The following PRL variants were observed in gnomAD, a reference collection of about 807,000 sequenced individuals.
PRL encodes decidual prolactin.
A neutral mutation model predicts 21.3 loss-of-function variants in PRL; 24 were observed. That is an observed-to-expected ratio of 1.13 (90% CI 0.82 to 1.59). PRL has a LOEUF of 1.59. PRL is among the 40% of genes most tolerant of loss of function. The probability of loss-of-function intolerance (pLI) is 0.00; values close to 1 mark genes in which losing one functional copy is unlikely to be tolerated. For synonymous variants in PRL, 118 were observed against 115.7 expected (o/e 1.02, Z -0.13); for missense variants, 243 against 286.9 (o/e 0.85, Z 1.10).
intron 2 of PRL, among the ~76,000 whole-genome samples, chr6:22,293,030 A>G (rs1310951648): frequency 6.6e-6 from 1 of 152,204 alleles, no homozygotes; most frequent in Admixed American, 6.5e-5. Context: ...GCCACAGTGC[A>G]AATGTATTTA....
intron 4 of PRL, among the ~76,000 whole-genome samples, chr6:22,289,286 C>A (rs895578642): frequency 1.3e-5 from 2 of 152,036 alleles, no homozygotes; most frequent in African/African-American, 4.8e-5. Context: ...GTACTTAGTA[C>A]ACAAAAAGAG....
In PRL at chr6:22,292,618, A is replaced by G. The variant is rs762561012; in HGVS notation, c.232T>C (p.Phe78Leu). The change falls in exon 3 of 5, where the codon TTC becomes CTC. Residue 78 changes from phenylalanine to leucine, a missense_variant. Transcript: ENST00000306482. ...CAGCTGTTGATGGCCTTGGTAATGA[A>G]CCCCCGGCCATGGGTATACCGTTTA... ...FDKRYTHGRGFITKAINSCHT... is the reference protein window; with the variant it reads ...FDKRYTHGRGLITKAINSCHT... 3.1e-6 allele frequency: 5 copies of G among 1,613,772 alleles called. No individual in the cohort carries two copies. In the Admixed American group the frequency reaches 6.7e-5, roughly 22 times the overall value.
In PRL at chr6:22,296,963, G is replaced by A; in HGVS notation, c.20C>T (p.Pro7Leu). Residue 7 changes from proline to leucine, a missense_variant, in exon 1 of 5, where the codon CCA becomes CTA. Transcript: ENST00000306482. MNIKGS[P>L]WKGSLLLLLV... is the part of the protein sequence containing the mutation. ...TGAGTTGTCACACATACCTTTCCATGGCGATCCTTTGATGTTCATGTTCGT... is the reference window on the plus strand; with the variant it reads ...TGAGTTGTCACACATACCTTTCCATAGCGATCCTTTGATGTTCATGTTCGT... 1 of 1,613,958 alleles carries A rather than the reference G, an allele frequency of 6.2e-7. No individual in the cohort carries two copies. Among genetic ancestry groups the A allele is most frequent in the African/African-American group, 1.3e-5 (1 of 74,992 alleles).
chr6:22,301,812 T>C (rs1761286801), upstream of PRL, among the ~76,000 whole-genome samples: 1 of 152,226 alleles, frequency 6.6e-6, no homozygotes. Flanking sequence ...AGGGATGATT[T>C]TTTTAGGAAA....
intron 1 of PRL, among the ~76,000 whole-genome samples, chr6:22,295,028 G>A (rs1376906731): frequency 6.6e-6 from 1 of 152,072 alleles, no homozygotes; most frequent in African/African-American, 2.4e-5. Flanking sequence ...AACAAAAACA[G>A]TACAGTCGAT....
chr6:22,292,457 G>T, intron 3 of PRL, 81 bp downstream of exon 3: 1 of 1,272,098 alleles, frequency 7.9e-7, no homozygotes, highest in Non-Finnish European at 1.1e-6. Flanking sequence ...ATTACCACTA[G>T]CTATTACAGC....
chr6:22,299,054 G>A (rs1325899813), upstream of PRL, among the ~76,000 whole-genome samples: 1 of 152,132 alleles, frequency 6.6e-6, no homozygotes, highest in South Asian at 2.1e-4. Context: ...ATAATGCAAA[G>A]ACATATATTA....
chr6:22,294,961 T>G (rs564443762), intron 1 of PRL, among the ~76,000 whole-genome samples: 15 of 152,310 alleles, frequency 9.8e-5, no homozygotes, highest in African/African-American at 3.6e-4. Context: ...GCCCAGCACT[T>G]TGTAATTTTT....
Position 22,294,427 on chromosome 6 carries a change from T to C in PRL, c.186A>G (p.Ser62=). The change falls in exon 2 of 5, where the codon TCA becomes TCG. Residue 62 remains serine, a synonymous_variant. Transcript: ENST00000306482. ...VLSHYIHNLS[S]EMFSEFDKRY... is the part of the protein sequence containing the mutation. ...TACTTACGAATTCGCTGAACATTTC[T>C]GAGGAGAGGTTATGGATGTAGTGGG... The C allele has an allele frequency of 6.2e-7, 1 of 1,614,148 alleles. No individual in the cohort carries two copies.
chr6:22,288,360 C>T lies in PRL; in HGVS notation c.493-767G>A, dbSNP rs190203357. Among the ~76,000 whole-genome samples, 1 of 152,112 alleles carries T rather than the reference C, an allele frequency of 6.6e-6. No individual in the cohort carries two copies. The highest frequency in any genetic ancestry group is 2.4e-5 in the African/African-American group (1 of 41,476). Reference sequence around the variant, plus strand: ...ACCAGCCTGGCCAACATGGTGAAATCCCATCTCTACAAAAACATACAAAAA... The same window carrying T: ...ACCAGCCTGGCCAACATGGTGAAATTCCATCTCTACAAAAACATACAAAAA... On this transcript the variant is annotated intron_variant, in intron 4 of 4. Coordinates refer to ENST00000306482, the MANE Select transcript of PRL (RefSeq NM_000948.6). The surrounding 1 kb of genome is among the most constrained non-coding windows in gnomAD (Gnocchi z 4.5).
chr6:22,297,279 A>G (rs1293284471), upstream of PRL: 4 of 446,384 alleles, frequency 9.0e-6, no homozygotes. Flanking sequence ...GAAATGATGA[A>G]GGTGAGATCT....
intron 1 of PRL, among the ~76,000 whole-genome samples, chr6:22,294,962 T>C (rs1412744421): frequency 6.6e-6 from 1 of 152,162 alleles, no homozygotes; most frequent in Non-Finnish European, 1.5e-5. Context: ...CCCAGCACTT[T>C]GTAATTTTTT....
intron 1 of PRL, among the ~76,000 whole-genome samples, chr6:22,295,976 T>C (rs767946797): frequency 1.3e-5 from 2 of 152,250 alleles, no homozygotes; most frequent in Non-Finnish European, 2.9e-5. Context: ...ATGATTCCTA[T>C]TATAGACTTT....
rs191950008 is a variant in PRL at position 22,289,952 on chromosome 6, C to T, written c.492+222G>A. 1.8e-4 allele frequency among the ~76,000 whole-genome samples: 27 copies of T among 152,228 alleles called. No homozygotes were observed. The East Asian group carries it at 2.5e-3, about 14-fold the overall frequency. On this transcript the variant is annotated intron_variant, in intron 4 of 4. Transcript: ENST00000306482. Reference sequence around the variant, plus strand: ...AAGGGGCAAGTCTTTTGTAGTTTTGCGTGTAGGTGTAGGGAAAATGACACC... The same window carrying T: ...AAGGGGCAAGTCTTTTGTAGTTTTGTGTGTAGGTGTAGGGAAAATGACACC...
chr6:22,290,681 T>C (rs1331587257), intron 3 of PRL, among the ~76,000 whole-genome samples: 1 of 152,210 alleles, frequency 6.6e-6, no homozygotes, highest in Non-Finnish European at 1.5e-5. Flanking sequence ...ATTGATTTGC[T>C]TGTCCCTGGG....
chr6:22,294,488 G>T lies in PRL; in HGVS notation c.125C>A (p.Thr42Asn). 6.2e-7 allele frequency: 1 copy of T among 1,614,188 alleles called. No individual in the cohort carries two copies. Among genetic ancestry groups the T allele is most frequent in the Non-Finnish European group, 8.5e-7 (1 of 1,180,042 alleles). The change falls in exon 2 of 5, where the codon ACC becomes AAC. Residue 42 changes from threonine (T) to asparagine (N), a missense_variant. Thr to Asn is a moderately conservative substitution (Grantham distance 65). Transcript: ENST00000306482. ...GGCGCGGTCAAACAGGTCTCGAAGG[G>T]TCACCTGGCATCGGGCAGCCCCGCC... The part of the protein sequence containing the change: ...CPGGAARCQV[T>N]LRDLFDRAVV...
At position 22,290,337 on chromosome 6, in the gene PRL, C is replaced by A; in HGVS notation, c.329G>T (p.Ser110Ile). Residue 110 changes from serine to isoleucine, a missense_variant, in exon 4 of 5, where the codon AGC becomes ATC. Physicochemically the swap from Ser to Ile is moderately radical, Grantham distance 142 (BLOSUM62 -2). Coordinates refer to ENST00000306482, the MANE Select transcript of PRL (RefSeq NM_000948.6). ...GGATCGCAATATGCTGACTATCAGG[C>A]TCAGAAAGTCTTTTTGCTACGAAAC... is the stretch of plus-strand genomic sequence containing the variant. Reference protein sequence around the residue: ...AQQMNQKDFLSLIVSILRSWN... With the variant: ...AQQMNQKDFLILIVSILRSWN... The A allele has an allele frequency of 6.3e-7, 1 of 1,590,392 alleles. No homozygotes were observed. The highest frequency in any genetic ancestry group is 8.6e-7 in the Non-Finnish European group (1 of 1,163,308).
chr6:22,299,842 A>G (rs1398840103), upstream of PRL, among the ~76,000 whole-genome samples: 1 of 152,202 alleles, frequency 6.6e-6, no homozygotes, highest in Non-Finnish European at 1.5e-5. Flanking sequence ...CCATCTCAAA[A>G]AAACAAAAAA....
chr6:22,293,609 AGGGAGGAG>A (rs1561755329), intron 2 of PRL, among the ~76,000 whole-genome samples: 1 of 139,194 alleles, frequency 7.2e-6, no homozygotes, highest in South Asian at 2.5e-4. Flanking sequence ...GGAGGAAGGA[AGGGAGGAG>A]GGAAGGAGGG....
Sources: gnomAD v4.1 joint callset for allele counts (sites outside exome capture counted in the v4.1 genomes callset) on GRCh38, gnomAD v4.1.1 for gene constraint, Gnocchi (gnomAD v3.1) non-coding constraint, MANE v1.5 for transcripts, NCBI Gene and HGNC (gene_info 2026-07-23, HGNC 2026-07-21) for gene names.